HMCN1: variants seen among roughly 807,000 people sequenced by gnomAD.
The protein encoded by HMCN1 is hemicentin 1.
Under a neutral mutation model 625.9 loss-of-function variants are expected in HMCN1, and 321 were observed. The observed-to-expected ratio is 0.51, with a 90% CI of 0.47 to 0.56. The LOEUF is 0.56. Among genes scored for constraint, HMCN1 ranks in the 20% least tolerant of loss-of-function variants. The pLI, the probability that HMCN1 is intolerant of heterozygous loss-of-function variation, is 0.00. For missense variants in HMCN1, 6,588 were observed against 6,887.3 expected, an observed-to-expected ratio of 0.96 and a Z score of 1.54; for synonymous variants, 2,425 against 2,417.6, an observed-to-expected ratio of 1.00 and a Z score of -0.09.
chr1:186,151,494 T>C (rs2102574463), intron 94 of HMCN1, 112 bp from the exon 95 acceptor site: 2 of 1,305,760 alleles, frequency 1.5e-6, no homozygotes, highest in Non-Finnish European at 2.2e-6. Context: ...CTGGTATTTG[T>C]TTCTGGTATT....
intron 2 of HMCN1, among the ~76,000 whole-genome samples, chr1:185,857,230 CG>C (rs1208940541): frequency 6.6e-6 from 1 of 152,078 alleles, no homozygotes; most frequent in East Asian, 1.9e-4. Context: ...TCTTAGTACA[CG>C]TTTTTCTATC....
At chr1:185,838,110 C>G (rs559922397) in intron 1 of HMCN1, among the ~76,000 whole-genome samples, 2 of 152,086 alleles carry the variant, frequency 1.3e-5, no homozygotes, top group Non-Finnish European at 2.9e-5. Flanking sequence ...TTCTTCCTCA[C>G]GATATAGGTT....
chr1:186,108,956 C>A (rs1347885547), intron 71 of HMCN1, among the ~76,000 whole-genome samples: 1 of 152,168 alleles, frequency 6.6e-6, no homozygotes, highest in African/African-American at 2.4e-5. Flanking sequence ...TTCCACGTCT[C>A]TAGGGAGAAT....
chr1:185,777,101 T>G (rs1656667731), intron 1 of HMCN1, among the ~76,000 whole-genome samples: 1 of 152,176 alleles, frequency 6.6e-6, no homozygotes, highest in South Asian at 2.1e-4. Flanking sequence ...TTGCATAATT[T>G]TCAATACCCA....
chr1:185,934,023 C>T (rs1003890798), intron 11 of HMCN1, among the ~76,000 whole-genome samples, 199 bp downstream of exon 11: 2 of 152,122 alleles, frequency 1.3e-5, no homozygotes, highest in Non-Finnish European at 2.9e-5. Flanking sequence ...AAATAGGTAA[C>T]TTTAATACAA....
rs187145171 is a variant in HMCN1, at chr1:186,116,078, C to T, written c.11561+664C>T. ...TGTCCACTTTAACAAAAATCAATTC[C>T]AATACATCAGGAAATATAAAACTAG... On this transcript the variant is annotated intron_variant, in intron 75 of 106. Coordinates refer to ENST00000271588, the MANE Select transcript of HMCN1 (RefSeq NM_031935.3). Among the ~76,000 whole-genome samples the T allele has an allele frequency of 8.9e-4, 136 of 152,138 alleles. 1 individual carries two copies. Among genetic ancestry groups the T allele is most frequent in the East Asian group, 1.9e-3 (10 of 5,170 alleles).
At chr1:185,980,726 T>C (rs1283408392) in intron 16 of HMCN1, among the ~76,000 whole-genome samples, 1 of 152,210 alleles carries the variant, frequency 6.6e-6, no homozygotes, top group Non-Finnish European at 1.5e-5. Context: ...CTCACTCAGA[T>C]ATTACCTCAG....
chr1:186,011,572 T>C (rs770881519), intron 30 of HMCN1, among the ~76,000 whole-genome samples: 14 of 152,244 alleles, frequency 9.2e-5, no homozygotes, highest in Non-Finnish European at 5.9e-5. Flanking sequence ...CTTTCAAAGA[T>C]AACTAAATTT....
At chr1:185,914,565 T>A (rs1046058107) in intron 6 of HMCN1, among the ~76,000 whole-genome samples, 8 of 152,076 alleles carry the variant, frequency 5.3e-5, no homozygotes, top group African/African-American at 1.9e-4. Flanking sequence ...TCAAATATAA[T>A]TTTGTACTGT....
chr1:186,088,605 G>T lies in HMCN1; in HGVS notation c.9578-1G>T. 6.2e-7 allele frequency: 1 copy of T among 1,611,072 alleles called. No individual in the cohort carries two copies. The highest frequency in any genetic ancestry group is 1.1e-5 in the South Asian group (1 of 90,928). ...TTATTGTGCTTTGTTTCTACCTCTA[G>T]AAAATTCTGACTCACTGGAAGTTCG... On this transcript the variant is annotated splice_acceptor_variant, in intron 62 of 106. Coordinates refer to ENST00000271588, the MANE Select transcript of HMCN1 (RefSeq NM_031935.3). LOFTEE classifies it high-confidence loss of function.
intron 19 of HMCN1, 135 bp downstream of exon 19, chr1:185,984,448 A>G: frequency 3.2e-6 from 3 of 926,686 alleles, no homozygotes; most frequent in African/African-American, 1.7e-5. Context: ...TTCTTGAACA[A>G]TATCTACATT....
intron 11 of HMCN1, among the ~76,000 whole-genome samples, chr1:185,942,907 G>A (rs2102514795): frequency 6.6e-6 from 1 of 152,056 alleles, no homozygotes; most frequent in South Asian, 2.1e-4. Context: ...AACTCAAGAG[G>A]CATTTTATTT....
chr1:186,154,977 T>C (rs955112314), intron 97 of HMCN1, among the ~76,000 whole-genome samples: 13 of 152,162 alleles, frequency 8.5e-5, no homozygotes, highest in Admixed American at 7.9e-4. Context: ...CATTAAATGT[T>C]TATGTGACTT....
chr1:185,947,565 C>A (rs1038266291), intron 11 of HMCN1, among the ~76,000 whole-genome samples: 9 of 152,198 alleles, frequency 5.9e-5, no homozygotes, highest in Non-Finnish European at 1.2e-4. Context: ...AGAGGTGGTT[C>A]TCGTATTCCC....
intron 15 of HMCN1, 76 bp downstream of exon 15, chr1:185,970,569 G>A: frequency 7.7e-7 from 1 of 1,290,840 alleles, no homozygotes; most frequent in Admixed American, 1.7e-5. Flanking sequence ...ACCTTGAAAT[G>A]GTTTGGTAGA....
intron 81 of HMCN1, among the ~76,000 whole-genome samples, chr1:186,125,361 C>T (rs1661593574): frequency 6.6e-6 from 1 of 152,086 alleles, no homozygotes; most frequent in East Asian, 1.9e-4. Context: ...CCAGTTCTGT[C>T]ATTTGCTCAG....
chr1:185,855,407 G>A lies in HMCN1; in HGVS notation c.340-9063G>A, dbSNP rs571530276. On this transcript the variant is annotated intron_variant, in intron 2 of 106. Coordinates refer to ENST00000271588, the MANE Select transcript of HMCN1 (RefSeq NM_031935.3). ...TTGTTAGTTTCCCATTTTTGCCTAC[G>A]GTTAACCCTGCCTGCTTCTTCTTTT... 7.1e-4 allele frequency among the ~76,000 whole-genome samples: 108 copies of A among 152,142 alleles called. 1 individual carries two copies. Among genetic ancestry groups the A allele is most frequent in the Non-Finnish European group, 1.2e-3 (80 of 67,972 alleles).
intron 5 of HMCN1, 84 bp from the exon 6 acceptor site, chr1:185,911,590 C>A: frequency 1.0e-6 from 1 of 1,001,640 alleles, no homozygotes; most frequent in South Asian, 1.3e-5. Flanking sequence ...TGATCATGCT[C>A]TTAGTTTTAT....
chr1:185,864,819 A>G (rs1295057927), intron 3 of HMCN1, among the ~76,000 whole-genome samples, 191 bp downstream of exon 3: 2 of 152,232 alleles, frequency 1.3e-5, no homozygotes, highest in East Asian at 1.9e-4. Context: ...TACATACCAT[A>G]TGAATGTCTT....
Sources: gnomAD v4.1 joint callset for allele counts (sites outside exome capture counted in the v4.1 genomes callset) on GRCh38, gnomAD v4.1.1 for gene constraint, MANE v1.5 for transcripts, NCBI Gene and HGNC (gene_info 2026-07-23, HGNC 2026-07-21) for gene names.